ARHGEF37: variants seen among roughly 807,000 people sequenced by gnomAD.
ARHGEF37 encodes Rho guanine nucleotide exchange factor (GEF) 37.
In ARHGEF37, 55 loss-of-function variants were observed where a neutral mutation model predicts 71.1. The observed-to-expected ratio is 0.77, with a 90% CI of 0.62 to 0.97. The LOEUF (loss-of-function observed/expected upper bound fraction) is 0.97, where lower values mean the gene tolerates loss of function less well. Ranked by LOEUF, ARHGEF37 falls within the 50% of genes least tolerant of loss-of-function variation. The pLI, the probability that ARHGEF37 is intolerant of heterozygous loss-of-function variation, is 0.00. For missense variants in ARHGEF37, 765 were observed against 836.8 expected (o/e 0.91, Z 1.06); for synonymous variants, 327 against 350.6 (o/e 0.93, Z 0.75).
intron 7 of ARHGEF37, 64 bp downstream of exon 7, chr5:149,619,106 C>T: frequency 7.4e-7 from 1 of 1,359,094 alleles, no homozygotes; most frequent in Non-Finnish European, 1.1e-6. Context: ...AGGAGGCTTG[C>T]AGGGCCCAGC....
Position 149,597,795 on chromosome 5 carries a change from C to T in ARHGEF37, c.26C>T (p.Pro9Leu). The T allele has an allele frequency of 6.4e-7, 1 of 1,569,364 alleles. No individual in the cohort carries two copies. The highest frequency in any genetic ancestry group is 2.3e-5 in the East Asian group (1 of 42,624). MAKHGADE[P>L]SSRSGSPDRE... is the part of the protein sequence containing the mutation. ...ATGGCCAAGCATGGAGCCGACGAGC[C>T]ATCCTCCAGGTCAGGGAGTCCGGAC... is the stretch of plus-strand genomic sequence containing the variant. The change falls in exon 2 of 13, where the codon CCA becomes CTA. Residue 9 changes from proline (P) to leucine (L), a missense_variant. Coordinates refer to ENST00000333677, the MANE Select transcript of ARHGEF37 (RefSeq NM_001001669.3).
chr5:149,574,625 T>G (rs1173892995), intron 1 of ARHGEF37, among the ~76,000 whole-genome samples: 1 of 152,230 alleles, frequency 6.6e-6, no homozygotes, highest in Non-Finnish European at 1.5e-5. Flanking sequence ...CTAGTCTATA[T>G]TGCCAGTCCA....
intron 1 of ARHGEF37, among the ~76,000 whole-genome samples, chr5:149,573,451 C>T (rs902411272): frequency 6.6e-6 from 1 of 152,180 alleles, no homozygotes; most frequent in Non-Finnish European, 1.5e-5. Flanking sequence ...CACGTCACTG[C>T]TAAAATGTTC....
chr5:149,590,152 G>A (rs1763359893), intron 1 of ARHGEF37, among the ~76,000 whole-genome samples: 1 of 152,036 alleles, frequency 6.6e-6, no homozygotes, highest in African/African-American at 2.4e-5. Context: ...AATGAATGTG[G>A]GAATGCCCAA....
At chr5:149,626,687 T>G (rs1250067356) in intron 10 of ARHGEF37, among the ~76,000 whole-genome samples, 1 of 152,146 alleles carries the variant, frequency 6.6e-6, no homozygotes, top group Admixed American at 6.5e-5. Context: ...AGAAACCAGA[T>G]GAATAAGGTC....
At chr5:149,551,894 G>A (rs1762676859), upstream of ARHGEF37, 1 of 152,230 alleles carries the variant, frequency 6.6e-6, no homozygotes. Flanking sequence ...TGTCGCCTCT[G>A]GTGGAGAGGA....
At chr5:149,601,852 G>A (rs1763763592) in intron 3 of ARHGEF37, among the ~76,000 whole-genome samples, 1 of 152,054 alleles carries the variant, frequency 6.6e-6, no homozygotes, top group African/African-American at 2.4e-5. Flanking sequence ...ATGTTTAAAG[G>A]ACAGACGGAA....
intron 1 of ARHGEF37, among the ~76,000 whole-genome samples, chr5:149,585,762 G>T (rs1374386191): frequency 6.6e-6 from 1 of 152,132 alleles, no homozygotes; most frequent in Non-Finnish European, 1.5e-5. Context: ...CAAGTGATCC[G>T]CCTGCCTTGG....
At chr5:149,604,949 G>T (rs575553818) in intron 3 of ARHGEF37, among the ~76,000 whole-genome samples, 4 of 151,930 alleles carry the variant, frequency 2.6e-5, no homozygotes, top group African/African-American at 9.6e-5. Flanking sequence ...TTGGGAGACT[G>T]GGCATGGTGG....
chr5:149,601,259 G>C (rs1368059841), intron 3 of ARHGEF37, 28 bp downstream of exon 3: 1 of 1,601,760 alleles, frequency 6.2e-7, no homozygotes. Flanking sequence ...GGAGTTGTCA[G>C]CCTTAGATTC....
chr5:149,628,585 G>A (rs1376017260), intron 11 of ARHGEF37, among the ~76,000 whole-genome samples: 3 of 152,214 alleles, frequency 2.0e-5, no homozygotes, highest in Non-Finnish European at 2.9e-5. Context: ...ATCAAAGGGA[G>A]TCGTCTGTCC....
chr5:149,613,503 C>T (rs1261120934), intron 4 of ARHGEF37, among the ~76,000 whole-genome samples: 5 of 151,960 alleles, frequency 3.3e-5, no homozygotes, highest in Non-Finnish European at 7.4e-5. Flanking sequence ...TGCGCCACCA[C>T]GCCCGGCTAA....
upstream of ARHGEF37, among the ~76,000 whole-genome samples, chr5:149,577,419 CAT>C (rs35821132): frequency 0.25 from 38,210 of 151,972 alleles, 5,216 homozygotes; most frequent in Admixed American, 0.41. Flanking sequence ...TTACTTGACT[CAT>C]AGCATTGCGC....
intron 1 of ARHGEF37, among the ~76,000 whole-genome samples, chr5:149,594,399 T>C (rs1425654531): frequency 6.6e-6 from 1 of 151,986 alleles, no homozygotes; most frequent in African/African-American, 2.4e-5. Flanking sequence ...GATCACGGGG[T>C]GTGTTTGGGA....
intron 3 of ARHGEF37, among the ~76,000 whole-genome samples, chr5:149,609,068 C>A (rs1403451779): frequency 6.6e-6 from 1 of 151,958 alleles, no homozygotes; most frequent in Non-Finnish European, 1.5e-5. Context: ...GCCTGTAATC[C>A]CAGCTACTCA....
At chr5:149,619,116 C>G in intron 7 of ARHGEF37, 74 bp downstream of exon 7, 2 of 1,274,262 alleles carry the variant, frequency 1.6e-6, no homozygotes, top group Non-Finnish European at 2.3e-6. Flanking sequence ...CAGGGCCCAG[C>G]CTACAAGCTG....
chr5:149,569,812 G>T (rs1404189189), intron 1 of ARHGEF37, among the ~76,000 whole-genome samples: 1 of 151,738 alleles, frequency 6.6e-6, no homozygotes, highest in Admixed American at 6.6e-5. Flanking sequence ...GTTGAGCGAG[G>T]GTTTCACTAT....
rs765449143 is a variant in ARHGEF37, at chr5:149,616,727, A to G, written c.619A>G (p.Asn207Asp). Reference protein sequence around the residue: ...QRAVSALQDVNTNINEYKMRK... With the variant: ...QRAVSALQDVDTNINEYKMRK... ...GGCTGTCTCTGCCCTCCAGGACGTG[A>G]ACACCAATATCAATGAGTACAAGAT... Residue 207 changes from asparagine (N) to aspartate (D), a missense_variant, in exon 5 of 13, where the codon AAC becomes GAC. Coordinates refer to ENST00000333677, the MANE Select transcript of ARHGEF37 (RefSeq NM_001001669.3). The G allele has an allele frequency of 2.2e-5, 35 of 1,613,304 alleles. No individual in the cohort carries two copies. The Admixed American group carries it at 5.3e-4, about 25-fold the overall frequency.
rs1420436836 is a variant in ARHGEF37, at chr5:149,619,691, T to TG, written c.894+653dup. 2.0e-5 allele frequency among the ~76,000 whole-genome samples: 3 copies of TG among 152,170 alleles called. No homozygotes were observed. The East Asian group carries it at 5.8e-4, about 29-fold the overall frequency. ...TAATTAAATGAAGATTTAAATGCTATGGGGCATTTTTTTAATGCATTGATG... is the reference window on the plus strand; with the variant it reads ...TAATTAAATGAAGATTTAAATGCTATGGGGGCATTTTTTTAATGCATTGATG... On this transcript the variant is annotated intron_variant, in intron 7 of 12. Coordinates refer to ENST00000333677, the MANE Select transcript of ARHGEF37 (RefSeq NM_001001669.3).
Sources: gnomAD v4.1 joint callset for allele counts (sites outside exome capture counted in the v4.1 genomes callset) on GRCh38, gnomAD v4.1.1 for gene constraint, MANE v1.5 for transcripts, NCBI Gene and HGNC (gene_info 2026-07-23, HGNC 2026-07-21) for gene names.